The following WWOX variants were observed in gnomAD, a reference collection of about 807,000 sequenced individuals.
WWOX encodes WW domain containing oxidoreductase, also known as WW domain-containing oxidoreductase.
In WWOX, 69 loss-of-function variants were observed where a neutral mutation model predicts 46.2. The observed-to-expected ratio is 1.49, with a 90% confidence interval of 1.23 to 1.82. WWOX has a LOEUF of 1.82. Ranked by LOEUF, WWOX falls within the 40% of genes most tolerant of loss-of-function variation. WWOX has a pLI of 0.00. For missense variants in WWOX, 919 were observed against 542.6 expected, an observed-to-expected ratio of 1.69 and a Z score of -6.89; for synonymous variants, 359 against 202.6, an observed-to-expected ratio of 1.77 and a Z score of -6.56.
At chr16:78,176,009 G>A (rs761840283) in intron 5 of WWOX, among the ~76,000 whole-genome samples, 2 of 152,070 alleles carry the variant, frequency 1.3e-5, no homozygotes, top group African/African-American at 2.4e-5. Flanking sequence ...AAACATACCT[G>A]ATCAGGAATC....
At chr16:78,170,198 C>T (rs773641914) in intron 5 of WWOX, among the ~76,000 whole-genome samples, 9 of 152,148 alleles carry the variant, frequency 5.9e-5, no homozygotes, top group Non-Finnish European at 8.8e-5. Flanking sequence ...TTCATAACCA[C>T]GGCTATAAAA....
intron 7 of WWOX, among the ~76,000 whole-genome samples, chr16:78,432,246 T>A (rs557693491): frequency 6.6e-6 from 1 of 152,148 alleles, no homozygotes; most frequent in South Asian, 2.1e-4. Context: ...GATTCCCGTG[T>A]ACAGGCATGC....
At chr16:78,442,119 A>G (rs879585114) in intron 8 of WWOX, among the ~76,000 whole-genome samples, 1 of 151,844 alleles carries the variant, frequency 6.6e-6, no homozygotes, top group Non-Finnish European at 1.5e-5. Flanking sequence ...CCTGGGTGAC[A>G]TAGTGAGACC....
chr16:78,225,609 G>A (rs1386870672), intron 5 of WWOX, among the ~76,000 whole-genome samples: 1 of 152,082 alleles, frequency 6.6e-6, no homozygotes, highest in Non-Finnish European at 1.5e-5. Context: ...ATTCATTGAG[G>A]ATTTGTTTTG....
intron 8 of WWOX, among the ~76,000 whole-genome samples, chr16:78,957,226 A>G (rs2046185262): frequency 6.6e-6 from 1 of 152,198 alleles, no homozygotes; most frequent in Admixed American, 6.5e-5. Context: ...AGCAAACCAC[A>G]CCGCCGTCCT....
chr16:78,827,052 G>A (rs991411260), intron 8 of WWOX, among the ~76,000 whole-genome samples: 1 of 152,088 alleles, frequency 6.6e-6, no homozygotes, highest in Non-Finnish European at 1.5e-5. Context: ...TGGTGCAAGG[G>A]AACCAGAGAG....
intron 8 of WWOX, among the ~76,000 whole-genome samples, chr16:79,104,685 C>G (rs1238886697): frequency 6.6e-6 from 1 of 152,092 alleles, no homozygotes; most frequent in East Asian, 1.9e-4. Context: ...ATGTGTAATC[C>G]CCGTTCCTCT....
chr16:78,723,740 G>C (rs370074626), intron 8 of WWOX, among the ~76,000 whole-genome samples: 15 of 151,808 alleles, frequency 9.9e-5, no homozygotes, highest in African/African-American at 3.6e-4. Context: ...ACTCCTGACA[G>C]TTCTTTATTG....
At chr16:79,163,951 C>T (rs941474704) in intron 8 of WWOX, among the ~76,000 whole-genome samples, 2 of 151,188 alleles carry the variant, frequency 1.3e-5, no homozygotes, top group Non-Finnish European at 2.9e-5. Flanking sequence ...TAGCCCAGCC[C>T]ACGGTTTTCC....
intron 8 of WWOX, among the ~76,000 whole-genome samples, chr16:78,747,478 C>T (rs2049376009): frequency 6.6e-6 from 1 of 152,108 alleles, no homozygotes; most frequent in South Asian, 2.1e-4. Flanking sequence ...TCATTATGTG[C>T]CAGCGTTCTT....
chr16:78,924,174 G>C (rs1025739290), intron 8 of WWOX, among the ~76,000 whole-genome samples: 1 of 152,112 alleles, frequency 6.6e-6, no homozygotes, highest in Non-Finnish European at 1.5e-5. Context: ...AAGAAGGCTG[G>C]GTAGACCGGG....
chr16:78,123,035 C>G (rs1772782151), intron 4 of WWOX, among the ~76,000 whole-genome samples: 1 of 152,066 alleles, frequency 6.6e-6, no homozygotes, highest in South Asian at 2.1e-4. Context: ...TAGTTCTGTT[C>G]CTCTCAGTCC....
At chr16:79,033,086 C>G (rs1597305362) in intron 8 of WWOX, among the ~76,000 whole-genome samples, 1 of 150,126 alleles carries the variant, frequency 6.7e-6, no homozygotes, top group East Asian at 1.9e-4. Context: ...CATGTTCCTG[C>G]AAAGGACATG....
intron 8 of WWOX, among the ~76,000 whole-genome samples, chr16:78,498,231 T>C (rs1022584815): frequency 8.1e-5 from 9 of 111,022 alleles, no homozygotes; most frequent in African/African-American, 2.6e-4. Context: ...AAAAAAAGCA[T>C]CAGGGTTGTC....
At chr16:78,754,693 T>C (rs534490586) in intron 8 of WWOX, among the ~76,000 whole-genome samples, 1 of 152,322 alleles carries the variant, frequency 6.6e-6, no homozygotes, top group East Asian at 1.9e-4. Context: ...ATGGCTTTGG[T>C]TATGCAGTGC....
chr16:78,474,604 A>G (rs931783847), intron 8 of WWOX, among the ~76,000 whole-genome samples: 12 of 152,330 alleles, frequency 7.9e-5, no homozygotes, highest in African/African-American at 2.6e-4. Context: ...TTTACATGCT[A>G]TACAATTCAT....
At position 79,212,226 on chromosome 16, in the gene WWOX, C is replaced by A; in HGVS notation, c.*430C>A. The A allele has an allele frequency of 7.3e-7, 1 of 1,377,122 alleles. No individual in the cohort carries two copies. Among genetic ancestry groups the A allele is most frequent in the Non-Finnish European group, 9.6e-7 (1 of 1,045,240 alleles). The allele number at this position is 1,377,122 out of a possible 1,614,324, so 85.3% of individuals were successfully genotyped here. On this transcript the variant is annotated 3_prime_UTR_variant, in exon 9 of 9. Coordinates refer to ENST00000566780, the MANE Select transcript of WWOX (RefSeq NM_016373.4). ...TTAGGGAAGAAAAAGCAAGTGTTCA[C>A]TGCTCCTTGCTGCATTGATCCAGGA...
rs529372777 is a variant in WWOX, at chr16:78,950,142, G to C, written c.1057-261466G>C. ...TTGTTTTTGTATTTTGGTTCAAAAA[G>C]AGAGTATGATCTCACTTTTCCCTTC... On this transcript the variant is annotated intron_variant, in intron 8 of 8. Transcript: ENST00000566780. Among the ~76,000 whole-genome samples, 30 of 152,280 alleles carry C rather than the reference G, an allele frequency of 2.0e-4. No individual in the cohort carries two copies. In the South Asian group the frequency reaches 6.0e-3, roughly 30 times the overall value.
intron 8 of WWOX, among the ~76,000 whole-genome samples, chr16:78,536,463 G>A (rs1276454416): frequency 6.6e-6 from 1 of 152,002 alleles, no homozygotes; most frequent in Admixed American, 6.6e-5. Context: ...TGCCCACTGA[G>A]CTGGGTTCTC....
Sources: allele counts gnomAD v4.1 joint callset (sites outside exome capture counted in the v4.1 genomes callset), GRCh38; gene constraint gnomAD v4.1.1; transcripts MANE v1.5; gene names NCBI Gene and HGNC (gene_info 2026-07-23, HGNC 2026-07-21).